Variants in TBCK observed in about 807,000 individuals in gnomAD.
TBCK encodes TBC domain-containing protein kinase-like protein.
In TBCK, 99 loss-of-function variants were observed where a neutral mutation model predicts 113.4. The ratio of observed to expected loss-of-function variants is 0.87; its 90% CI spans 0.74 to 1.03. TBCK has a LOEUF of 1.03. Ranked by LOEUF, TBCK falls within the 50% of genes least tolerant of loss-of-function variation. The pLI is 0.00. For synonymous variants in TBCK, 369 were observed against 370.8 expected (o/e 1.00, Z 0.05); for missense variants, 1,045 against 1,061.3 (o/e 0.98, Z 0.21).
At chr4:106,054,498 C>A in intron 25 of TBCK, among the ~76,000 whole-genome samples, 1 of 151,638 alleles carries the variant, frequency 6.6e-6, no homozygotes, top group East Asian at 1.9e-4. Flanking sequence ...CTCGTGTTAA[C>A]CTTATTTGAT....
chr4:106,224,897 CTA>C (rs1372623011), intron 19 of TBCK, among the ~76,000 whole-genome samples: 1 of 152,174 alleles, frequency 6.6e-6, no homozygotes, highest in Non-Finnish European at 1.5e-5. Flanking sequence ...TTCCAGAATG[CTA>C]TCTCTTCTTT....
intron 2 of TBCK, among the ~76,000 whole-genome samples, chr4:106,303,217 G>A (rs967069409): frequency 6.6e-6 from 1 of 152,090 alleles, no homozygotes; most frequent in Non-Finnish European, 1.5e-5. Context: ...CTAGGTACAG[G>A]TCAAATCAAT....
intron 2 of TBCK, among the ~76,000 whole-genome samples, chr4:106,297,062 C>T (rs1352144043): frequency 1.3e-5 from 2 of 152,104 alleles, no homozygotes; most frequent in African/African-American, 4.8e-5. Context: ...CTGGCTCCCT[C>T]CCCTCAGTAT....
At chr4:106,274,463 T>C (rs1763806322) in intron 3 of TBCK, among the ~76,000 whole-genome samples, 1 of 152,138 alleles carries the variant, frequency 6.6e-6, no homozygotes, top group Admixed American at 6.6e-5. Context: ...AAACAAACTA[T>C]GGTAAAGACA....
chr4:106,309,091 C>G (rs1245975276), intron 1 of TBCK, 102 bp from the exon 2 acceptor site: 7 of 645,928 alleles, frequency 1.1e-5, no homozygotes, highest in Non-Finnish European at 1.8e-5. Flanking sequence ...CCAACCTGAA[C>G]ACTTCACAGT....
intron 25 of TBCK, among the ~76,000 whole-genome samples, chr4:106,085,977 T>C (rs1381454028): frequency 6.6e-6 from 1 of 152,098 alleles, no homozygotes; most frequent in Non-Finnish European, 1.5e-5. Context: ...TAGCCCTAAA[T>C]GTCCACATCA....
rs918467550 is a variant in TBCK at position 106,044,548 on chromosome 4, A to T, written c.*2022T>A. Reference sequence around the variant, plus strand: ...ATGACCAAATAAATTGAATAAAACAAACAAAACAGGAGGGGTCCTGGGACA... The same window carrying T: ...ATGACCAAATAAATTGAATAAAACATACAAAACAGGAGGGGTCCTGGGACA... On this transcript the variant is annotated 3_prime_UTR_variant, in exon 26 of 26. Transcript: ENST00000394708. The T allele has an allele frequency of 6.6e-6, 1 of 152,226 alleles. No individual in the cohort carries two copies. Among genetic ancestry groups the T allele is most frequent in the African/African-American group, 2.4e-5 (1 of 41,452 alleles). 9.4% of individuals were successfully genotyped at this position (152,226 alleles called of 1,614,324 possible).
chr4:106,114,675 A>G (rs1010166823), intron 24 of TBCK, among the ~76,000 whole-genome samples: 1 of 152,224 alleles, frequency 6.6e-6, no homozygotes. Flanking sequence ...GGCAACAGAC[A>G]ACCTACAGAA....
At chr4:106,309,141 G>A (rs982626683) in intron 1 of TBCK, among the ~76,000 whole-genome samples, 152 bp from the exon 2 acceptor site, 1 of 151,782 alleles carries the variant, frequency 6.6e-6, no homozygotes, top group Non-Finnish European at 1.5e-5. Context: ...AATATCAGAG[G>A]ACAAAACAAC....
At chr4:106,225,464 T>G (rs72677357) in intron 19 of TBCK, among the ~76,000 whole-genome samples, 8,312 of 152,256 alleles carry the variant, frequency 0.055, 313 homozygotes, top group Middle Eastern at 0.095. Context: ...TTGGTCTTTT[T>G]TTTGTTTGTT....
At chr4:106,126,863 T>C (rs1200692301) in intron 23 of TBCK, among the ~76,000 whole-genome samples, 1 of 152,136 alleles carries the variant, frequency 6.6e-6, no homozygotes, top group Non-Finnish European at 1.5e-5. Flanking sequence ...ACTGAAAAAC[T>C]GGAGATGACA....
chr4:106,231,647 CA>C, intron 18 of TBCK, 81 bp downstream of exon 18: 2 of 1,359,022 alleles, frequency 1.5e-6, no homozygotes, highest in Non-Finnish European at 2.0e-6. Flanking sequence ...AGCCTTAAAA[CA>C]AAAACAAAAA....
At chr4:106,107,533 G>A (rs548823761) in intron 24 of TBCK, among the ~76,000 whole-genome samples, 22 of 152,240 alleles carry the variant, frequency 1.4e-4, no homozygotes, top group African/African-American at 5.3e-4. Context: ...GCTCCCGATT[G>A]ACTTTTGGGT....
chr4:106,184,016 C>T (rs927836916), intron 22 of TBCK, among the ~76,000 whole-genome samples: 3 of 151,992 alleles, frequency 2.0e-5, no homozygotes, highest in Non-Finnish European at 4.4e-5. Flanking sequence ...TTATAATTCT[C>T]CCTAATAAGT....
intron 3 of TBCK, among the ~76,000 whole-genome samples, chr4:106,278,430 G>A (rs1192409789): frequency 3.3e-5 from 5 of 151,432 alleles, no homozygotes; most frequent in South Asian, 2.1e-4. Context: ...CTGGTGGTGC[G>A]TGCCTGTAAT....
At chr4:106,286,943 C>T (rs557418814) in intron 3 of TBCK, among the ~76,000 whole-genome samples, 98 of 152,094 alleles carry the variant, frequency 6.4e-4, no homozygotes, top group African/African-American at 2.2e-3. Flanking sequence ...ACAATGAAAA[C>T]GGAAATTTAT....
chr4:106,191,810 T>C (rs1753701860), intron 22 of TBCK, among the ~76,000 whole-genome samples: 1 of 152,152 alleles, frequency 6.6e-6, no homozygotes, highest in Non-Finnish European at 1.5e-5. Flanking sequence ...ATCAACTAAA[T>C]AGATTTCATT....
At chr4:106,068,102 A>C (rs912288873) in intron 25 of TBCK, among the ~76,000 whole-genome samples, 1 of 152,154 alleles carries the variant, frequency 6.6e-6, no homozygotes, top group African/African-American at 2.4e-5. Context: ...ATTCCAACAC[A>C]TGAACATGGG....
intron 19 of TBCK, among the ~76,000 whole-genome samples, chr4:106,213,969 TCTGACAG>T (rs1165556646): frequency 1.3e-5 from 2 of 152,176 alleles, no homozygotes; most frequent in African/African-American, 4.8e-5. Context: ...AATGTCTCTG[TCTGACAG>T]CTTTGAAGAG....
Sources: gnomAD v4.1 joint callset for allele counts (sites outside exome capture counted in the v4.1 genomes callset) on GRCh38, gnomAD v4.1.1 for gene constraint, MANE v1.5 for transcripts, NCBI Gene and HGNC (gene_info 2026-07-23, HGNC 2026-07-21) for gene names.